The following CALN1 variants were observed in gnomAD, a reference collection of about 807,000 sequenced individuals.
CALN1 encodes calneuron 1, also known as calcium-binding protein 8.
Under a neutral mutation model 30.6 loss-of-function variants are expected in CALN1, and 17 were observed. That is an observed-to-expected ratio of 0.56 (90% confidence interval 0.38 to 0.83). CALN1 has a LOEUF of 0.83. Among genes scored for constraint, CALN1 ranks in the 40% least tolerant of loss-of-function variants. The pLI is 0.00. For missense variants in CALN1, 291 were observed against 354.9 expected, an observed-to-expected ratio of 0.82 and a Z score of 1.45; for synonymous variants, 156 against 131.4, an observed-to-expected ratio of 1.19 and a Z score of -1.28.
chr7:72,077,693 C>T (rs970916028), intron 4 of CALN1, among the ~76,000 whole-genome samples: 2 of 152,180 alleles, frequency 1.3e-5, no homozygotes, highest in Non-Finnish European at 2.9e-5. Flanking sequence ...ACCAGGATCT[C>T]ACACAGATAG....
rs373487479 is a variant in CALN1 at position 72,031,636 on chromosome 7, T to C, written c.389-7867A>G. Reference sequence around the variant, plus strand: ...ACCCAGAAGTGCAGTGGTGCAATCATAGCTCACTGCAGCTTTGAACTCCTG... The same window carrying C: ...ACCCAGAAGTGCAGTGGTGCAATCACAGCTCACTGCAGCTTTGAACTCCTG... On this transcript the variant is annotated intron_variant, in intron 4 of 6. Coordinates refer to ENST00000395275, the MANE Select transcript of CALN1 (RefSeq NM_031468.4). Among the ~76,000 whole-genome samples the C allele has an allele frequency of 2.2e-3, 340 of 151,976 alleles. 1 individual carries two copies. Among genetic ancestry groups the C allele is most frequent in the African/African-American group, 7.7e-3 (321 of 41,428 alleles).
At chr7:72,213,220 T>C (rs974657388) in intron 3 of CALN1, among the ~76,000 whole-genome samples, 10 of 152,244 alleles carry the variant, frequency 6.6e-5, no homozygotes, top group African/African-American at 2.4e-4. Flanking sequence ...GACGTTATCT[T>C]TGTTCTCCGC....
chr7:72,231,870 A>G (rs1490313461), intron 3 of CALN1, among the ~76,000 whole-genome samples: 2 of 152,174 alleles, frequency 1.3e-5, no homozygotes, highest in Admixed American at 6.5e-5. Flanking sequence ...AACTAGAGCT[A>G]TATTTTTTGT....
chr7:72,193,165 G>GTGAC (rs1790747279), intron 3 of CALN1, among the ~76,000 whole-genome samples: 1 of 150,022 alleles, frequency 6.7e-6, no homozygotes, highest in South Asian at 2.1e-4. Context: ...TCTAGCCTGG[G>GTGAC]TGACAGAGTG....
At chr7:72,176,359 A>C (rs1025918399) in intron 3 of CALN1, among the ~76,000 whole-genome samples, 3 of 152,098 alleles carry the variant, frequency 2.0e-5, no homozygotes, top group African/African-American at 7.2e-5. Context: ...CATATGATAG[A>C]GTTTGGATGT....
In CALN1 at chr7:72,285,522, C is replaced by G. The variant is rs371883502; in HGVS notation, c.120-6712G>C. ...CCTCCCAAAGTGCTGGGATTACAGGCGTGAACCACAGCGCCCAGCTCTTAC... is the reference window on the plus strand; with the variant it reads ...CCTCCCAAAGTGCTGGGATTACAGGGGTGAACCACAGCGCCCAGCTCTTAC... On this transcript the variant is annotated intron_variant, in intron 2 of 6. Transcript: ENST00000395275. 9.9e-5 allele frequency among the ~76,000 whole-genome samples: 15 copies of G among 152,142 alleles called. No individual in the cohort carries two copies. The East Asian group carries it at 2.7e-3, about 27-fold the overall frequency.
chr7:72,337,476 C>CG (rs1802148749), intron 2 of CALN1: 4 of 175,740 alleles, frequency 2.3e-5, no homozygotes, highest in Admixed American at 6.5e-5. Context: ...GGCAGACACG[C>CG]GGGGGGCGAG....
intron 5 of CALN1, among the ~76,000 whole-genome samples, chr7:71,929,771 G>A (rs1474143822): frequency 1.3e-5 from 2 of 152,146 alleles, no homozygotes; most frequent in Non-Finnish European, 2.9e-5. Flanking sequence ...TGAAATTGAT[G>A]GAGTATATGG....
At chr7:72,069,647 T>A (rs1804256552) in intron 4 of CALN1, among the ~76,000 whole-genome samples, 1 of 152,154 alleles carries the variant, frequency 6.6e-6, no homozygotes, top group African/African-American at 2.4e-5. Context: ...CCACCCTGAT[T>A]ATCCAGGATA....
intron 3 of CALN1, among the ~76,000 whole-genome samples, chr7:72,209,766 G>C (rs1341639188): frequency 6.6e-6 from 1 of 151,910 alleles, no homozygotes; most frequent in Non-Finnish European, 1.5e-5. Flanking sequence ...TGTCTATTCG[G>C]GGCATTTCAG....
chr7:71,852,777 G>A (rs35087986), intron 5 of CALN1, among the ~76,000 whole-genome samples: 21,345 of 151,934 alleles, frequency 0.14, 2,394 homozygotes, highest in East Asian at 0.52. Flanking sequence ...GGTAACTCAC[G>A]GCTGTTTTAA....
chr7:71,941,607 T>C (rs1235492003), intron 5 of CALN1, among the ~76,000 whole-genome samples: 2 of 152,142 alleles, frequency 1.3e-5, no homozygotes, highest in African/African-American at 4.8e-5. Context: ...AAAGCAACAA[T>C]GGTATACACT....
intron 3 of CALN1, among the ~76,000 whole-genome samples, chr7:72,246,469 G>A (rs1339376717): frequency 2.0e-5 from 3 of 152,068 alleles, no homozygotes; most frequent in African/African-American, 7.2e-5. Flanking sequence ...GCCCTGTCCT[G>A]CCCCCAGTGT....
intron 3 of CALN1, among the ~76,000 whole-genome samples, chr7:72,243,887 T>C (rs533804325): frequency 1.9e-4 from 29 of 152,288 alleles, no homozygotes; most frequent in Non-Finnish European, 4.1e-4. Flanking sequence ...ACATATGACA[T>C]ACTTCTATTC....
At chr7:72,099,120 G>A (rs115467623) in intron 4 of CALN1, among the ~76,000 whole-genome samples, 234 of 152,242 alleles carry the variant, frequency 1.5e-3, no homozygotes, top group African/African-American at 5.3e-3. Flanking sequence ...AGAGAAAGAA[G>A]ACTGGTGTGT....
intron 5 of CALN1, among the ~76,000 whole-genome samples, chr7:71,828,687 G>A (rs1789075904): frequency 6.8e-6 from 1 of 148,008 alleles, no homozygotes; most frequent in African/African-American, 2.6e-5. Flanking sequence ...ATATACATAA[G>A]ATATATACAT....
chr7:71,845,353 A>C lies in CALN1; in HGVS notation c.502-34861T>G, dbSNP rs192398156. Reference sequence around the variant, plus strand: ...TGCCAGAAAGCAAGAACTGAGGAGGAGGCCTAGGCAGGGTTTCCTTCATGC... The same window carrying C: ...TGCCAGAAAGCAAGAACTGAGGAGGCGGCCTAGGCAGGGTTTCCTTCATGC... On this transcript the variant is annotated intron_variant, in intron 5 of 6. Transcript: ENST00000395275. Among the ~76,000 whole-genome samples the C allele has an allele frequency of 4.6e-5, 7 of 152,290 alleles. No homozygotes were observed. The East Asian group carries it at 9.7e-4, about 21-fold the overall frequency.
intron 3 of CALN1, among the ~76,000 whole-genome samples, chr7:72,160,335 G>A (rs1303847923): frequency 6.6e-6 from 1 of 151,068 alleles, no homozygotes; most frequent in African/African-American, 2.4e-5. Flanking sequence ...CTGGAGTGCA[G>A]TAGTGCAATC....
intron 2 of CALN1, among the ~76,000 whole-genome samples, chr7:72,345,356 A>AGAAG (rs139972680): frequency 2.6e-4 from 36 of 140,430 alleles, no homozygotes; most frequent in Non-Finnish European, 3.6e-4. Context: ...GGAAAGAAAG[A>AGAAG]GAAGGAAGGA....
Sources: gnomAD v4.1 joint callset for allele counts (sites outside exome capture counted in the v4.1 genomes callset) on GRCh38, gnomAD v4.1.1 for gene constraint, MANE v1.5 for transcripts, NCBI Gene and HGNC (gene_info 2026-07-23, HGNC 2026-07-21) for gene names.